NLRP11: variants seen among roughly 807,000 people sequenced by gnomAD.
NLRP11 encodes NACHT, LRR and PYD domains-containing protein 11.
NLRP11 carries 53 observed loss-of-function variants against 79.3 expected under a neutral mutation model. That is an observed-to-expected ratio of 0.67 (90% CI 0.54 to 0.84). The LOEUF (loss-of-function observed/expected upper bound fraction) is 0.84, where lower values mean the gene tolerates loss of function less well. Among genes scored for constraint, NLRP11 ranks in the 40% least tolerant of loss-of-function variants. The pLI, the probability that NLRP11 is intolerant of heterozygous loss-of-function variation, is 0.00. For synonymous variants in NLRP11, 518 were observed against 462.6 expected (o/e 1.12, Z -1.54); for missense variants, 1,264 against 1,255.0 (o/e 1.01, Z -0.11).
exon 5 of NLRP11, chr19:55,801,675 T>C: frequency 6.2e-7 from 1 of 1,613,974 alleles, no homozygotes; most frequent in Non-Finnish European, 8.5e-7. Flanking sequence ...TATGTCAGGC[T>C]CCGATTACGA....
Position 55,796,756 on chromosome 19 carries a change from G to A in NLRP11, c.2172-506C>T, listed in dbSNP as rs558637793. Reference sequence around the variant, plus strand: ...GGCTGGAGTGCAATGGTGCGATCTCGGCTCACTGCAACCTCTGCCTCCCGG... The same window carrying A: ...GGCTGGAGTGCAATGGTGCGATCTCAGCTCACTGCAACCTCTGCCTCCCGG... On this transcript the variant is annotated intron_variant, in intron 5 of 9. Coordinates refer to ENST00000589093, the Ensembl canonical transcript of NLRP11. Among the ~76,000 whole-genome samples, 61 of 151,096 alleles carry A rather than the reference G, an allele frequency of 4.0e-4. No individual in the cohort carries two copies. In the South Asian group the frequency reaches 4.6e-3, roughly 11 times the overall value.
intron 5 of NLRP11, among the ~76,000 whole-genome samples, chr19:55,800,499 A>G (rs1979375814): frequency 6.6e-6 from 1 of 151,956 alleles, no homozygotes; most frequent in African/African-American, 2.4e-5. Context: ...GTAGAGGTAG[A>G]GTTTCACTAT....
At chr19:55,808,948 T>A in exon 3 of NLRP11, 1 of 1,614,126 alleles carries the variant, frequency 6.2e-7, no homozygotes, top group Non-Finnish European at 8.5e-7. Flanking sequence ...CAAATTCTTC[T>A]TCCCGATTCT....
At chr19:55,803,753 T>C (rs1385570896) in intron 4 of NLRP11, among the ~76,000 whole-genome samples, 1 of 152,054 alleles carries the variant, frequency 6.6e-6, no homozygotes, top group African/African-American at 2.4e-5. Flanking sequence ...CGAGATACCA[T>C]CTTACACCAG....
intron 2 of NLRP11, among the ~76,000 whole-genome samples, chr19:55,811,698 A>G (rs1054607640): frequency 1.5e-4 from 23 of 152,198 alleles, no homozygotes; most frequent in Non-Finnish European, 7.3e-5. Context: ...ATTGAGATTC[A>G]AAGAAGCAGA....
At chr19:55,832,806 G>C (rs1324769699), upstream of NLRP11, 1 of 152,140 alleles carries the variant, frequency 6.6e-6, no homozygotes, top group Non-Finnish European at 1.5e-5. Flanking sequence ...ATAATGGACG[G>C]GAAAGTGATG....
exon 10 of NLRP11, chr19:55,785,492 G>GACACACACAC (rs1568623957): frequency 4.6e-6 from 3 of 652,754 alleles, no homozygotes; most frequent in Admixed American, 3.2e-5. Context: ...CTGGATCAAG[G>GACACACACAC]TCACACACAC....
intron 2 of NLRP11, among the ~76,000 whole-genome samples, chr19:55,812,477 A>G (rs1980697435): frequency 6.6e-6 from 1 of 152,222 alleles, no homozygotes. Flanking sequence ...TTACAGTCCC[A>G]AAAGGAGAGG....
chr19:55,785,493 TCACACACACACACACACA>T lies in NLRP11; in HGVS notation c.*114_*131del, dbSNP rs878891245. 981 of 424,638 alleles carry T rather than the reference TCACACACACACACACACA, an allele frequency of 2.3e-3. 1 individual carries two copies. The highest frequency in any genetic ancestry group is 6.6e-3 in the African/African-American group (308 of 46,922). The allele number at this position is 424,638 out of a possible 1,614,324, so 26.3% of individuals were successfully genotyped here. A position where few individuals can be genotyped will look rare whatever the true frequency, so the allele number is the denominator to read the frequency against. On this transcript the variant is annotated 3_prime_UTR_variant, in exon 10 of 10. Transcript: ENST00000589093. ...TTTGAAGTGGTTGACTGGATCAAGG[TCACACACACACACACACA>T]CACACACACACACACACACACACAC...
chr19:55,792,226 C>T (rs75255203), intron 7 of NLRP11, 75 bp downstream of exon 7: 51,510 of 1,325,894 alleles, frequency 0.039, 1,263 homozygotes, highest in Non-Finnish European at 0.049. Flanking sequence ...GAATCTTATC[C>T]CTGCCACCAA....
At position 55,822,897 on chromosome 19, in the gene NLRP11, G is replaced by C. The variant is rs574863609; in HGVS notation, c.-62-4661C>G. 7.9e-4 allele frequency among the ~76,000 whole-genome samples: 121 copies of C among 152,350 alleles called. 2 individuals are homozygous for C. The highest frequency in any genetic ancestry group is 2.8e-3 in the African/African-American group (115 of 41,594). ...ACAAAGCAGCCAGGAAGCTGGAACT[G>C]GGGGGAGCCCACCACAGCTCAAGGA... On this transcript the variant is annotated intron_variant, in intron 1 of 9. Coordinates refer to ENST00000589093, the Ensembl canonical transcript of NLRP11.
At chr19:55,787,816 C>T (rs1402846603) in intron 9 of NLRP11, among the ~76,000 whole-genome samples, 1 of 152,204 alleles carries the variant, frequency 6.6e-6, no homozygotes, top group African/African-American at 2.4e-5. Flanking sequence ...AACTGAGGGC[C>T]TCTTCCAGCC....
At chr19:55,814,194 G>T (rs962851576) in intron 2 of NLRP11, among the ~76,000 whole-genome samples, 5 of 152,056 alleles carry the variant, frequency 3.3e-5, no homozygotes, top group African/African-American at 1.2e-4. Context: ...AGGGATATAG[G>T]TTGCACCCTC....
chr19:55,801,543 A>G, intron 5 of NLRP11, 29 bp downstream of exon 5: 4 of 1,604,920 alleles, frequency 2.5e-6, no homozygotes, highest in African/African-American at 1.3e-5. Flanking sequence ...CCTCACATGC[A>G]CTGAGCTTTC....
At chr19:55,833,708 C>T (rs542518808), upstream of NLRP11, among the ~76,000 whole-genome samples, 196 of 132,704 alleles carry the variant, frequency 1.5e-3, 1 homozygote, top group Non-Finnish European at 3.3e-4. Flanking sequence ...GAGGAGCTTG[C>T]AGTGAGCCGA....
intron 9 of NLRP11, among the ~76,000 whole-genome samples, chr19:55,786,326 C>A (rs1415089138): frequency 6.6e-6 from 1 of 152,088 alleles, no homozygotes; most frequent in African/African-American, 2.4e-5. Context: ...GAGTTTGAGA[C>A]CAGCCTGGAC....
At chr19:55,792,858 A>C (rs1978410579) in intron 6 of NLRP11, among the ~76,000 whole-genome samples, 1 of 152,280 alleles carries the variant, frequency 6.6e-6, no homozygotes, top group African/African-American at 2.4e-5. Context: ...TGAATACAGG[A>C]ACTGTTGAAG....
intron 5 of NLRP11, among the ~76,000 whole-genome samples, chr19:55,796,965 AG>A (rs1978974168): frequency 6.6e-6 from 1 of 152,150 alleles, no homozygotes; most frequent in Admixed American, 6.5e-5. Flanking sequence ...CTGCGATTAC[AG>A]GCATGAGCCA....
At chr19:55,829,019 G>T (rs373984711) in intron 1 of NLRP11, among the ~76,000 whole-genome samples, 5 of 152,106 alleles carry the variant, frequency 3.3e-5, no homozygotes, top group Admixed American at 3.3e-4. Flanking sequence ...GCTAACACAC[G>T]TATATACAAA....
Sources: allele counts gnomAD v4.1 joint callset (sites outside exome capture counted in the v4.1 genomes callset), GRCh38; gene constraint gnomAD v4.1.1; transcripts MANE v1.5; gene names NCBI Gene and HGNC (gene_info 2026-07-23, HGNC 2026-07-21).